Variants in DLEU7 observed in about 807,000 individuals in gnomAD.
The protein encoded by DLEU7 is deleted in lymphocytic leukemia 7.
DLEU7 carries 17 observed loss-of-function variants against 16.0 expected under a neutral mutation model. That is an observed-to-expected ratio of 1.06 (90% CI 0.73 to 1.59). DLEU7 has a LOEUF of 1.59. Among genes scored for constraint, DLEU7 ranks in the 40% most tolerant of loss-of-function variants. DLEU7 has a pLI of 0.00. For synonymous variants in DLEU7, 113 were observed against 139.8 expected (o/e 0.81, Z 1.35); for missense variants, 308 against 314.9 (o/e 0.98, Z 0.17).
chr13:50,811,128 G>C (rs372274005), intron 1 of DLEU7, among the ~76,000 whole-genome samples: 1 of 152,130 alleles, frequency 6.6e-6, no homozygotes, highest in Admixed American at 6.6e-5. Flanking sequence ...CCCTACTTTT[G>C]CTTGTCAGGG....
chr13:50,807,281 T>C (rs1245800494), intron 1 of DLEU7, among the ~76,000 whole-genome samples: 1 of 152,084 alleles, frequency 6.6e-6, no homozygotes, highest in Non-Finnish European at 1.5e-5. Flanking sequence ...AGAAGCTTTC[T>C]ATTATTTCTT....
intron 1 of DLEU7, among the ~76,000 whole-genome samples, chr13:50,771,689 T>C (rs1487434073): frequency 6.6e-6 from 1 of 152,220 alleles, no homozygotes; most frequent in Admixed American, 6.5e-5. Flanking sequence ...TCCAACTCTG[T>C]GGTCAATTTT....
intron 1 of DLEU7, among the ~76,000 whole-genome samples, chr13:50,747,249 T>C (rs1015491215): frequency 6.6e-6 from 1 of 152,062 alleles, no homozygotes; most frequent in Admixed American, 6.6e-5. Flanking sequence ...GAGTGGACTT[T>C]GTGTGTAAAA....
chr13:50,729,528 A>G (rs986484072), intron 1 of DLEU7, among the ~76,000 whole-genome samples: 3 of 152,150 alleles, frequency 2.0e-5, no homozygotes, highest in Non-Finnish European at 2.9e-5. Context: ...AAATATTTCT[A>G]TTCCTTTAGG....
intron 1 of DLEU7, among the ~76,000 whole-genome samples, chr13:50,737,940 T>C (rs1007320264): frequency 6.6e-5 from 10 of 152,058 alleles, no homozygotes; most frequent in African/African-American, 2.4e-4. Flanking sequence ...AAGATGTGAA[T>C]GCAAAGAAAA....
chr13:50,838,812 T>C (rs1877553508), intron 1 of DLEU7, among the ~76,000 whole-genome samples: 1 of 152,190 alleles, frequency 6.6e-6, no homozygotes, highest in Non-Finnish European at 1.5e-5. Flanking sequence ...ACTGGTGTTG[T>C]TATAAGAAGA....
chr13:50,803,741 T>A (rs1876310972), intron 1 of DLEU7, among the ~76,000 whole-genome samples: 1 of 152,146 alleles, frequency 6.6e-6, no homozygotes, highest in African/African-American at 2.4e-5. Flanking sequence ...TCTTTTTACT[T>A]TTTACACTAA....
chr13:50,729,501 A>G (rs372376593), intron 1 of DLEU7, among the ~76,000 whole-genome samples: 1 of 152,124 alleles, frequency 6.6e-6, no homozygotes, highest in Non-Finnish European at 1.5e-5. Context: ...ATTTGTGTGC[A>G]TGTGTCTTTA....
intron 1 of DLEU7, among the ~76,000 whole-genome samples, chr13:50,754,281 C>T (rs1874683053): frequency 6.6e-6 from 1 of 152,092 alleles, no homozygotes; most frequent in South Asian, 2.1e-4. Flanking sequence ...TTGAAGTCCC[C>T]CACTATTATT....
chr13:50,762,699 G>A (rs1874973064), intron 1 of DLEU7, among the ~76,000 whole-genome samples: 1 of 151,126 alleles, frequency 6.6e-6, no homozygotes, highest in Admixed American at 6.6e-5. Context: ...TTTAAGAATG[G>A]AACTCTTCCT....
At chr13:50,728,765 T>C (rs999410897) in intron 1 of DLEU7, among the ~76,000 whole-genome samples, 1 of 152,212 alleles carries the variant, frequency 6.6e-6, no homozygotes, top group Non-Finnish European at 1.5e-5. Context: ...CATGTGTCCA[T>C]TGACTTTTTT....
At chr13:50,824,527 T>C (rs1483765774) in intron 1 of DLEU7, among the ~76,000 whole-genome samples, 1 of 152,172 alleles carries the variant, frequency 6.6e-6, no homozygotes, top group African/African-American at 2.4e-5. Context: ...AAAAATTTTT[T>C]AAAGATTATT....
intron 1 of DLEU7, among the ~76,000 whole-genome samples, chr13:50,740,848 G>A (rs567009517): frequency 6.6e-6 from 1 of 152,086 alleles, no homozygotes; most frequent in African/African-American, 2.4e-5. Context: ...GACTGTTCCT[G>A]CTTATAAGTG....
chr13:50,713,470 T>C (rs995101607), intron 1 of DLEU7, among the ~76,000 whole-genome samples: 1 of 152,188 alleles, frequency 6.6e-6, no homozygotes, highest in Non-Finnish European at 1.5e-5. Flanking sequence ...GAAGAAGACT[T>C]CTCTATAGCT....
intron 1 of DLEU7, among the ~76,000 whole-genome samples, chr13:50,742,255 G>GA (rs1874271119): frequency 6.6e-6 from 1 of 152,168 alleles, no homozygotes; most frequent in South Asian, 2.1e-4. Flanking sequence ...TGCAATCAAC[G>GA]AATCAATAAA....
At chr13:50,839,383 A>G (rs1449307192) in intron 1 of DLEU7, among the ~76,000 whole-genome samples, 2 of 152,262 alleles carry the variant, frequency 1.3e-5, no homozygotes, top group East Asian at 3.8e-4. Context: ...ACTCACTGCA[A>G]TAGGTGTTTG....
At chr13:50,724,633 T>G (rs1339350174) in intron 1 of DLEU7, among the ~76,000 whole-genome samples, 1 of 152,148 alleles carries the variant, frequency 6.6e-6, no homozygotes, top group Non-Finnish European at 1.5e-5. Context: ...GTCAATTGCC[T>G]TGGAGATGAT....
intron 1 of DLEU7, among the ~76,000 whole-genome samples, chr13:50,759,053 C>A (rs1593545637): frequency 6.6e-6 from 1 of 152,326 alleles, no homozygotes; most frequent in Non-Finnish European, 1.5e-5. Context: ...TCATTAGCTA[C>A]CACAAGAAAA....
At position 50,831,872 on chromosome 13, in the gene DLEU7, C is replaced by G. The variant is rs928249438; in HGVS notation, c.460-8352G>C. The stretch of plus-strand genomic sequence containing the variant: ...GGTGGGTAAACTTTTTGATGTGCTA[C>G]TGGATTCAGTTTGCCAGTATTTTAC... On this transcript the variant is annotated intron_variant, in intron 1 of 1. Coordinates refer to ENST00000504404, the MANE Select transcript of DLEU7 (RefSeq NM_001306135.2). 7.9e-5 allele frequency among the ~76,000 whole-genome samples: 12 copies of G among 152,316 alleles called. No individual in the cohort carries two copies. The South Asian group carries it at 1.2e-3, about 16-fold the overall frequency.
Sources: allele counts gnomAD v4.1 joint callset (sites outside exome capture counted in the v4.1 genomes callset), GRCh38; gene constraint gnomAD v4.1.1; transcripts MANE v1.5; gene names NCBI Gene and HGNC (gene_info 2026-07-23, HGNC 2026-07-21).